DERA: variants seen among roughly 807,000 people sequenced by gnomAD.
The protein encoded by DERA is deoxyribose-phosphate aldolase, also known as 2-deoxy-D-ribose 5-phosphate aldolase.
In DERA, 15 loss-of-function variants were observed where a neutral mutation model predicts 41.1. That is an observed-to-expected ratio of 0.37 (90% confidence interval 0.24 to 0.56). The LOEUF (loss-of-function observed/expected upper bound fraction) is 0.56, where lower values mean the gene tolerates loss of function less well. Ranked by LOEUF, DERA falls within the 20% of genes least tolerant of loss-of-function variation. DERA has a pLI of 0.81. For synonymous variants in DERA, 139 were observed against 137.4 expected, an observed-to-expected ratio of 1.01 and a Z score of -0.08; for missense variants, 396 against 403.4, an observed-to-expected ratio of 0.98 and a Z score of 0.16.
At chr12:15,927,687 T>C (rs1246060749) in intron 1 of DERA, among the ~76,000 whole-genome samples, 2 of 152,198 alleles carry the variant, frequency 1.3e-5, no homozygotes, top group Non-Finnish European at 2.9e-5. Context: ...AGGAATTAGC[T>C]GTAGTGTATG....
At chr12:16,033,905 C>T (rs1300590631) in intron 7 of DERA, among the ~76,000 whole-genome samples, 1 of 151,958 alleles carries the variant, frequency 6.6e-6, no homozygotes, top group Admixed American at 6.6e-5. Flanking sequence ...GAAAGCTGAC[C>T]CAACTCGAAT....
chr12:16,028,398 A>G (rs1310490617), intron 6 of DERA, among the ~76,000 whole-genome samples: 1 of 152,258 alleles, frequency 6.6e-6, no homozygotes, highest in Non-Finnish European at 1.5e-5. Flanking sequence ...TCAAGTGTAT[A>G]CTGATATTAA....
intron 4 of DERA, among the ~76,000 whole-genome samples, chr12:15,960,255 A>G (rs1052343092): frequency 2.0e-5 from 3 of 150,124 alleles, no homozygotes; most frequent in African/African-American, 7.3e-5. Flanking sequence ...ATATGTATAT[A>G]TACATATTAA....
At position 16,005,256 on chromosome 12, in the gene DERA, C is replaced by A. The variant is rs545997117; in HGVS notation, c.637+22820C>A. Among the ~76,000 whole-genome samples the A allele has an allele frequency of 3.9e-5, 6 of 152,080 alleles. No individual in the cohort carries two copies. The South Asian group carries it at 1.2e-3, about 32-fold the overall frequency. On this transcript the variant is annotated intron_variant, in intron 6 of 8. Coordinates refer to ENST00000428559, the MANE Select transcript of DERA (RefSeq NM_015954.4). ...GCCAGGAGTTTGAGACCAGCCTGGG[C>A]AATGTAGGAAGACCCTGTCTCTACA...
Position 15,924,321 on chromosome 12 carries a change from CTG to C in DERA, c.31+12908_31+12909del, listed in dbSNP as rs1948266575. ...GCTATGGTCACAGCTACCTTGGAAA[CTG>C]AGGCGGGACAAGGTTACAGTGATGA... On this transcript the variant is annotated intron_variant, in intron 1 of 8. Coordinates refer to ENST00000428559, the MANE Select transcript of DERA (RefSeq NM_015954.4). The surrounding 1 kb of genome is among the most constrained non-coding windows in gnomAD (Gnocchi z 5.0). 6.6e-6 allele frequency among the ~76,000 whole-genome samples: 1 copy of C among 152,138 alleles called. No individual in the cohort carries two copies.
Position 16,021,003 on chromosome 12 carries a change from G to T in DERA, c.638-11539G>T, listed in dbSNP as rs1452352135. ...AACTTATATTTAAATGGGAAGCAGA[G>T]TATAAAAGTTGGGAAAATTTGCAGC... On this transcript the variant is annotated intron_variant, in intron 6 of 8. Transcript: ENST00000428559. This position sits in a 1 kb window ranked among gnomAD's most constrained non-coding sequence, Gnocchi z 5.3. Among the ~76,000 whole-genome samples, 2 of 152,230 alleles carry T rather than the reference G, an allele frequency of 1.3e-5. No homozygotes were observed.
intron 1 of DERA, among the ~76,000 whole-genome samples, chr12:15,927,393 C>G (rs923064032): frequency 2.6e-5 from 4 of 152,136 alleles, no homozygotes; most frequent in African/African-American, 9.7e-5. Context: ...TGTTCATACA[C>G]TATTACTTAA....
intron 5 of DERA, among the ~76,000 whole-genome samples, chr12:15,977,828 G>C (rs747815162): frequency 2.0e-5 from 3 of 152,232 alleles, no homozygotes; most frequent in Non-Finnish European, 4.4e-5. Flanking sequence ...GTTAAATAGC[G>C]TGTGGAGAAC....
chr12:15,975,585 T>C (rs1266687704), intron 5 of DERA, among the ~76,000 whole-genome samples: 2 of 152,352 alleles, frequency 1.3e-5, no homozygotes, highest in East Asian at 3.9e-4. Flanking sequence ...TGTTATTATC[T>C]ATGTTTTAAA....
intron 5 of DERA, among the ~76,000 whole-genome samples, chr12:15,975,521 C>G (rs1212257080): frequency 1.3e-5 from 2 of 152,172 alleles, no homozygotes; most frequent in Non-Finnish European, 2.9e-5. Flanking sequence ...CTTGTTAGTT[C>G]TACAAAGGCA....
chr12:15,985,883 T>A lies in DERA; in HGVS notation c.637+3447T>A, dbSNP rs1170386388. 1.3e-5 allele frequency among the ~76,000 whole-genome samples: 2 copies of A among 152,212 alleles called. No individual in the cohort carries two copies. The highest frequency in any genetic ancestry group is 2.9e-5 in the Non-Finnish European group (2 of 68,018). ...AATGTCAGATCGAATTGGTTGATAATGTTTTTCAGATCTAGTTTTGTTTTC... is the reference window on the plus strand; with the variant it reads ...AATGTCAGATCGAATTGGTTGATAAAGTTTTTCAGATCTAGTTTTGTTTTC... On this transcript the variant is annotated intron_variant, in intron 6 of 8. Coordinates refer to ENST00000428559, the MANE Select transcript of DERA (RefSeq NM_015954.4). This position sits in a 1 kb window ranked among gnomAD's most constrained non-coding sequence, Gnocchi z 4.2.
Position 15,985,130 on chromosome 12 carries a change from C to T in DERA, c.637+2694C>T, listed in dbSNP as rs960711059. The T allele has an allele frequency of 6.6e-6, 1 of 152,242 alleles. No homozygotes were observed. The allele number at this position is 152,242 out of a possible 1,614,324, so 9.4% of individuals were successfully genotyped here. A position where few individuals can be genotyped will look rare whatever the true frequency, so the allele number is the denominator to read the frequency against. ...TCCTCCTAGAAATATCTTTGTGTCC[C>T]TTTATAGTCGCCTCCACTCAGCTCA... On this transcript the variant is annotated intron_variant, in intron 6 of 8. Transcript: ENST00000428559. This position sits in a 1 kb window ranked among gnomAD's most constrained non-coding sequence, Gnocchi z 4.2.
rs1268077949 is a variant in DERA at position 15,998,372 on chromosome 12, C to T, written c.637+15936C>T. ...TAGCTGTGTCGCCCAGGCTAGAGTG[C>T]AATGGCCGGATCTTGGCTCACGGCA... On this transcript the variant is annotated intron_variant, in intron 6 of 8. Coordinates refer to ENST00000428559, the MANE Select transcript of DERA (RefSeq NM_015954.4). The surrounding 1 kb of genome is among the most constrained non-coding windows in gnomAD (Gnocchi z 4.8). Among the ~76,000 whole-genome samples the T allele has an allele frequency of 6.6e-6, 1 of 152,018 alleles. No individual in the cohort carries two copies. Among genetic ancestry groups the T allele is most frequent in the Non-Finnish European group, 1.5e-5 (1 of 68,010 alleles).
intron 1 of DERA, among the ~76,000 whole-genome samples, chr12:15,930,496 T>C (rs1377704313): frequency 1.3e-5 from 2 of 152,200 alleles, no homozygotes; most frequent in Non-Finnish European, 2.9e-5. Flanking sequence ...TAGGTGTTTA[T>C]TTGATAAGTC....
At chr12:16,015,556 T>C (rs559358782) in intron 6 of DERA, among the ~76,000 whole-genome samples, 7 of 152,338 alleles carry the variant, frequency 4.6e-5, no homozygotes, top group African/African-American at 1.4e-4. Flanking sequence ...TAACACCCTT[T>C]CCTTTATAAA....
chr12:15,963,290 A>G (rs1240726752), intron 5 of DERA, among the ~76,000 whole-genome samples: 3 of 152,260 alleles, frequency 2.0e-5, no homozygotes, highest in Non-Finnish European at 4.4e-5. Flanking sequence ...TTGTTACTCA[A>G]TACATACTTC....
intron 1 of DERA, among the ~76,000 whole-genome samples, chr12:15,912,566 G>A (rs1220520839): frequency 3.9e-5 from 6 of 152,118 alleles, no homozygotes; most frequent in Non-Finnish European, 8.8e-5. Flanking sequence ...CTGTAAAATG[G>A]TTATTTTAGT....
chr12:15,954,555 C>T lies in DERA; in HGVS notation c.32-2381C>T, dbSNP rs1948523223. Among the ~76,000 whole-genome samples, 2 of 152,176 alleles carry T rather than the reference C, an allele frequency of 1.3e-5. No homozygotes were observed. The highest frequency in any genetic ancestry group is 2.1e-4 in the South Asian group (1 of 4,828). On this transcript the variant is annotated intron_variant, in intron 1 of 8. Coordinates refer to ENST00000428559, the MANE Select transcript of DERA (RefSeq NM_015954.4). This position sits in a 1 kb window ranked among gnomAD's most constrained non-coding sequence, Gnocchi z 4.0. The stretch of plus-strand genomic sequence containing the variant: ...CATTCTTGGTAGAAGGAGCTTGCAG[C>T]ATGCACAGATCCAGAGACAGCCTGG...
Position 15,941,446 on chromosome 12 carries a change from T to G in DERA, c.32-15490T>G, listed in dbSNP as rs2136136417. Among the ~76,000 whole-genome samples the G allele has an allele frequency of 6.6e-6, 1 of 152,244 alleles. No homozygotes were observed. Among genetic ancestry groups the G allele is most frequent in the South Asian group, 2.1e-4 (1 of 4,822 alleles). On this transcript the variant is annotated intron_variant, in intron 1 of 8. Coordinates refer to ENST00000428559, the MANE Select transcript of DERA (RefSeq NM_015954.4). This position sits in a 1 kb window ranked among gnomAD's most constrained non-coding sequence, Gnocchi z 4.5. ...ATTACATGGTTAAGTTCTTTAGTGG[T>G]GATTTCTGAGATTTTAGTGTACCCA...
Sources: allele counts gnomAD v4.1 joint callset (sites outside exome capture counted in the v4.1 genomes callset), GRCh38; gene constraint gnomAD v4.1.1; non-coding constraint Gnocchi (gnomAD v3.1); transcripts MANE v1.5; gene names NCBI Gene and HGNC (gene_info 2026-07-23, HGNC 2026-07-21).